GRXCR1: variants seen among roughly 807,000 people sequenced by gnomAD.
GRXCR1 encodes glutaredoxin and cysteine rich domain containing 1.
GRXCR1 carries 27 observed loss-of-function variants against 27.3 expected under a neutral mutation model. That is an observed-to-expected ratio of 0.99 (90% CI 0.73 to 1.37). The LOEUF (loss-of-function observed/expected upper bound fraction) is 1.37. Ranked by LOEUF, GRXCR1 falls within the 40% of genes most tolerant of loss-of-function variation. The pLI is 0.00. For missense variants in GRXCR1, 379 were observed against 354.4 expected (o/e 1.07, Z -0.56); for synonymous variants, 122 against 131.1 (o/e 0.93, Z 0.47).
intron 1 of GRXCR1, among the ~76,000 whole-genome samples, chr4:42,917,873 T>C (rs1332756790): frequency 6.6e-6 from 1 of 152,114 alleles, no homozygotes; most frequent in Admixed American, 6.6e-5. Context: ...TTTTTCAATA[T>C]TATGAGATAT....
At position 42,959,231 on chromosome 4, in the gene GRXCR1, C is replaced by G. The variant is rs113518130; in HGVS notation, c.385-3661C>G. 3.6e-3 allele frequency among the ~76,000 whole-genome samples: 545 copies of G among 151,838 alleles called. 2 individuals carry two copies. Among genetic ancestry groups the G allele is most frequent in the African/African-American group, 0.012 (514 of 41,456 alleles). ...TTGTGGTATATATAAACAATGAATA[C>G]GATTCAGCCTTAAAAATGAAACAGA... On this transcript the variant is annotated intron_variant, in intron 1 of 3. Transcript: ENST00000399770.
chr4:43,028,402 CTACTT>C (rs1465367381), intron 3 of GRXCR1, among the ~76,000 whole-genome samples: 3 of 152,168 alleles, frequency 2.0e-5, no homozygotes, highest in African/African-American at 4.8e-5. Flanking sequence ...TCTGACAACT[CTACTT>C]TACTAGGAAC....
chr4:42,929,775 A>C (rs1049376654), intron 1 of GRXCR1, among the ~76,000 whole-genome samples: 1 of 151,926 alleles, frequency 6.6e-6, no homozygotes, highest in Non-Finnish European at 1.5e-5. Flanking sequence ...CCATTCCTCA[A>C]AATAATCCTT....
At chr4:43,015,546 T>C (rs1233578172) in intron 2 of GRXCR1, among the ~76,000 whole-genome samples, 2 of 152,128 alleles carry the variant, frequency 1.3e-5, no homozygotes, top group Non-Finnish European at 2.9e-5. Context: ...GATATTGTTA[T>C]ATTGTTTAGA....
intron 3 of GRXCR1, among the ~76,000 whole-genome samples, chr4:43,027,607 G>C (rs1208365294): frequency 2.0e-5 from 3 of 152,168 alleles, no homozygotes; most frequent in African/African-American, 7.2e-5. Context: ...AGCTCAGAAA[G>C]CTGCATAGCA....
chr4:42,893,176 ATT>A lies in GRXCR1; in HGVS notation c.-90_-89del. The A allele has an allele frequency of 7.1e-7, 1 of 1,405,714 alleles. No individual in the cohort carries two copies. The highest frequency in any genetic ancestry group is 1.0e-6 in the Non-Finnish European group (1 of 992,428). The allele number at this position is 1,405,714 out of a possible 1,614,324, so 87.1% of individuals were successfully genotyped here. ...TCACAGGAGTGCTGCCATCACTAGA[ATT>A]GGCTCTGATATTGCTATCTGGCAAG... On this transcript the variant is annotated 5_prime_UTR_variant, in exon 1 of 4. Coordinates refer to ENST00000399770, the MANE Select transcript of GRXCR1 (RefSeq NM_001080476.3).
intron 1 of GRXCR1, among the ~76,000 whole-genome samples, chr4:42,906,977 T>C (rs183667871): frequency 4.6e-5 from 7 of 152,300 alleles, no homozygotes; most frequent in African/African-American, 1.2e-4. Flanking sequence ...TCGTGTTAAA[T>C]TGAGTTCCTT....
intron 1 of GRXCR1, among the ~76,000 whole-genome samples, chr4:42,952,242 CAGTATCAGTT>C (rs1311743643): frequency 3.9e-5 from 6 of 152,124 alleles, no homozygotes; most frequent in Non-Finnish European, 8.8e-5. Flanking sequence ...TTTATTACTC[CAGTATCAGTT>C]AGTTGTTGGT....
intron 2 of GRXCR1, among the ~76,000 whole-genome samples, chr4:42,967,492 A>T (rs1156673484): frequency 2.0e-5 from 3 of 152,010 alleles, no homozygotes; most frequent in Non-Finnish European, 4.4e-5. Context: ...AATATGCTCA[A>T]TATTTGTCTT....
At chr4:43,015,661 A>C (rs921725936) in intron 2 of GRXCR1, among the ~76,000 whole-genome samples, 1 of 151,838 alleles carries the variant, frequency 6.6e-6, no homozygotes, top group Non-Finnish European at 1.5e-5. Context: ...ATTTCCTATA[A>C]ATTTCCATTA....
intron 1 of GRXCR1, among the ~76,000 whole-genome samples, chr4:42,931,707 A>G (rs889767459): frequency 2.6e-5 from 4 of 151,948 alleles, no homozygotes; most frequent in African/African-American, 9.7e-5. Flanking sequence ...ACTCCCTCAC[A>G]TTCTTATCAT....
At chr4:42,995,122 T>C (rs1435432222) in intron 2 of GRXCR1, among the ~76,000 whole-genome samples, 3 of 152,178 alleles carry the variant, frequency 2.0e-5, no homozygotes, top group Admixed American at 1.3e-4. Context: ...TACTTTACTA[T>C]GTATCATCAC....
At chr4:42,983,616 T>G (rs892312176) in intron 2 of GRXCR1, among the ~76,000 whole-genome samples, 10 of 152,084 alleles carry the variant, frequency 6.6e-5, no homozygotes, top group Admixed American at 1.3e-4. Context: ...GCTTGATGGG[T>G]ATGGCATTGA....
At chr4:42,915,638 G>C (rs1746868863) in intron 1 of GRXCR1, among the ~76,000 whole-genome samples, 1 of 151,970 alleles carries the variant, frequency 6.6e-6, no homozygotes, top group Non-Finnish European at 1.5e-5. Context: ...TGTGTATCTT[G>C]ACACGTCTCA....
chr4:42,895,726 G>A (rs181710612), intron 1 of GRXCR1, among the ~76,000 whole-genome samples: 80 of 152,214 alleles, frequency 5.3e-4, no homozygotes, highest in African/African-American at 1.9e-3. Context: ...TTTAAGGTAT[G>A]TGTATGTCAT....
At chr4:42,959,853 G>T (rs937334061) in intron 1 of GRXCR1, among the ~76,000 whole-genome samples, 11 of 151,846 alleles carry the variant, frequency 7.2e-5, no homozygotes, top group Non-Finnish European at 8.8e-5. Context: ...CCAGCCTGGT[G>T]ATTCTTATTT....
At chr4:43,029,817 C>T (rs539780972) in intron 3 of GRXCR1, among the ~76,000 whole-genome samples, 71 of 152,170 alleles carry the variant, frequency 4.7e-4, no homozygotes, top group African/African-American at 1.7e-3. Flanking sequence ...GGTGAAGATT[C>T]TATACAAAAA....
chr4:42,893,762 C>T (rs1577894746), intron 1 of GRXCR1, 112 bp downstream of exon 1: 1 of 975,354 alleles, frequency 1.0e-6, no homozygotes, highest in East Asian at 2.4e-5. Flanking sequence ...CTACATGCTT[C>T]ATGAGACGCT....
At chr4:42,939,109 C>T (rs1747535305) in intron 1 of GRXCR1, among the ~76,000 whole-genome samples, 1 of 152,000 alleles carries the variant, frequency 6.6e-6, no homozygotes, top group African/African-American at 2.4e-5. Context: ...GACATTTTAA[C>T]AATGTTGATT....
Sources: allele counts gnomAD v4.1 joint callset (sites outside exome capture counted in the v4.1 genomes callset), GRCh38; gene constraint gnomAD v4.1.1; transcripts MANE v1.5; gene names NCBI Gene and HGNC (gene_info 2026-07-23, HGNC 2026-07-21).